Variants in MED13L observed in about 807,000 individuals in gnomAD.
MED13L encodes the protein mediator of RNA polymerase II transcription subunit 13-like.
MED13L carries 7 observed loss-of-function variants against 220.9 expected under a neutral mutation model. The ratio of observed to expected loss-of-function variants is 0.03; its 90% confidence interval spans 0.02 to 0.06. The LOEUF (loss-of-function observed/expected upper bound fraction) is 0.06. MED13L is among the 10% of genes least tolerant of loss of function. MED13L has a pLI of 1.00. For missense variants in MED13L, 1,965 were observed against 2,760.5 expected, an observed-to-expected ratio of 0.71 and a Z score of 6.46; for synonymous variants, 1,011 against 1,015.2, an observed-to-expected ratio of 1.00 and a Z score of 0.08.
At chr12:116,023,186 C>T (rs1201707634) in intron 4 of MED13L, among the ~76,000 whole-genome samples, 1 of 152,074 alleles carries the variant, frequency 6.6e-6, no homozygotes, top group African/African-American at 2.4e-5. Context: ...GTCCTAGCTC[C>T]TGAGGAGGCT....
At chr12:116,009,400 C>T (rs1021195449) in intron 9 of MED13L, among the ~76,000 whole-genome samples, 2 of 151,940 alleles carry the variant, frequency 1.3e-5, no homozygotes, top group Non-Finnish European at 2.9e-5. Context: ...TCAAAAAAAC[C>T]CAAATCTTTT....
intron 4 of MED13L, among the ~76,000 whole-genome samples, chr12:116,022,830 A>C (rs1375403968): frequency 3.9e-5 from 6 of 152,182 alleles, no homozygotes; most frequent in Non-Finnish European, 8.8e-5. Flanking sequence ...TACTGTACAA[A>C]ATGTTTCCAG....
At chr12:116,072,304 T>C (rs1012822460) in intron 4 of MED13L, among the ~76,000 whole-genome samples, 1 of 152,230 alleles carries the variant, frequency 6.6e-6, no homozygotes, top group Admixed American at 6.5e-5. Context: ...AAACCCCTGG[T>C]TTTCTTGATG....
intron 4 of MED13L, among the ~76,000 whole-genome samples, chr12:116,032,698 T>G (rs956849342): frequency 6.6e-6 from 1 of 152,190 alleles, no homozygotes; most frequent in African/African-American, 2.4e-5. Context: ...AAATTTAAAG[T>G]TACAACCGCC....
chr12:116,164,644 T>A, intron 2 of MED13L, among the ~76,000 whole-genome samples: 1 of 152,086 alleles, frequency 6.6e-6, no homozygotes, highest in East Asian at 1.9e-4. Context: ...TAAGTATAAT[T>A]TCACACAGCA....
In MED13L at chr12:115,983,126, C is replaced by A; in HGVS notation, c.4946G>T (p.Gly1649Val). Residue 1649 changes from glycine (G) to valine (V), a missense_variant, in exon 21 of 31, where the codon GGA becomes GTA. Coordinates refer to ENST00000281928, the MANE Select transcript of MED13L (RefSeq NM_015335.5). ...TTAGTGAATAACATACCTCTCTTGTCCATCCTGTGAGGGCTGAGAAGAGCT... is the reference window on the plus strand; with the variant it reads ...TTAGTGAATAACATACCTCTCTTGTACATCCTGTGAGGGCTGAGAAGAGCT... The part of the protein sequence containing the change: ...GQSSSQPSQD[G>V]QESVTERERI... 6.2e-7 allele frequency: 1 copy of A among 1,614,074 alleles called. No homozygotes were observed. Among genetic ancestry groups the A allele is most frequent in the South Asian group, 1.1e-5 (1 of 91,074 alleles).
At chr12:116,018,491 C>T (rs1879863599) in intron 7 of MED13L, among the ~76,000 whole-genome samples, 1 of 152,152 alleles carries the variant, frequency 6.6e-6, no homozygotes, top group Non-Finnish European at 1.5e-5. Context: ...ACATTCAATG[C>T]TTATAAATAA....
chr12:115,963,257 T>C, intron 30 of MED13L, 150 bp downstream of exon 30: 1 of 719,710 alleles, frequency 1.4e-6, no homozygotes, highest in South Asian at 1.5e-5. Context: ...TATGAGGGAC[T>C]GCAGCTCTCA....
Position 115,983,497 on chromosome 12 carries a change from T to A in MED13L, c.4575A>T (p.Ile1525=). ...ATLQLDSSLL[I]PPKYQTPPAA... Reference sequence around the variant, plus strand: ...CTGGTGGGGTCTGGTATTTAGGTGGTATCAATAGGCTGCTATCAAGCTGCA... The same window carrying A: ...CTGGTGGGGTCTGGTATTTAGGTGGAATCAATAGGCTGCTATCAAGCTGCA... The change falls in exon 21 of 31, where the codon ATA becomes ATT. Residue 1525 remains isoleucine, a synonymous_variant. Transcript: ENST00000281928. The A allele has an allele frequency of 6.2e-7, 1 of 1,614,166 alleles. No homozygotes were observed.
At chr12:116,262,977 T>G (rs1460523725) in intron 1 of MED13L, among the ~76,000 whole-genome samples, 1 of 152,190 alleles carries the variant, frequency 6.6e-6, no homozygotes, top group Non-Finnish European at 1.5e-5. Flanking sequence ...CTTTTCAAGT[T>G]AAAGCGACAT....
At chr12:116,252,004 A>G (rs1273794588) in intron 1 of MED13L, among the ~76,000 whole-genome samples, 1 of 152,062 alleles carries the variant, frequency 6.6e-6, no homozygotes, top group Non-Finnish European at 1.5e-5. Flanking sequence ...AAAAAATCTA[A>G]AATGTCTAGG....
chr12:116,117,336 C>G (rs1359874119), intron 2 of MED13L, among the ~76,000 whole-genome samples: 1 of 152,040 alleles, frequency 6.6e-6, no homozygotes, highest in Non-Finnish European at 1.5e-5. Flanking sequence ...GTGATGCCCC[C>G]CACTCTATAT....
chr12:116,214,635 G>A (rs1353022245), intron 2 of MED13L, among the ~76,000 whole-genome samples: 4 of 151,928 alleles, frequency 2.6e-5, no homozygotes, highest in Admixed American at 6.6e-5. Context: ...TTCAATAATA[G>A]CTTTTTTTCT....
At chr12:116,164,853 T>C (rs890946077) in intron 2 of MED13L, among the ~76,000 whole-genome samples, 26 of 152,248 alleles carry the variant, frequency 1.7e-4, no homozygotes, top group African/African-American at 6.0e-4. Flanking sequence ...AACCACTCTA[T>C]ACTAATAAAT....
rs577958611 is a variant in MED13L, at chr12:116,179,333, G to A, written c.310+58135C>T. The stretch of plus-strand genomic sequence containing the variant: ...ATGTTACAATATAAAATCTGGGCCA[G>A]GCACGGTGGCTCACGTCTATAACCC... On this transcript the variant is annotated intron_variant, in intron 2 of 30. Coordinates refer to ENST00000281928, the MANE Select transcript of MED13L (RefSeq NM_015335.5). 4.5e-4 allele frequency among the ~76,000 whole-genome samples: 69 copies of A among 152,120 alleles called. 1 individual carries two copies. Among genetic ancestry groups the A allele is most frequent in the Middle Eastern group, 3.4e-3 (1 of 294 alleles).
At chr12:116,276,914 G>A (rs1020203916) in intron 1 of MED13L, 146 bp downstream of exon 1, 2 of 1,005,520 alleles carry the variant, frequency 2.0e-6, no homozygotes, top group Non-Finnish European at 3.0e-6. Flanking sequence ...ATCCAAAAGG[G>A]GGAGAATCGG....
chr12:116,215,178 A>C (rs1882919663), intron 2 of MED13L, among the ~76,000 whole-genome samples: 1 of 152,254 alleles, frequency 6.6e-6, no homozygotes, highest in South Asian at 2.1e-4. Context: ...ATAACATAAT[A>C]TGATCTTTGT....
intron 2 of MED13L, among the ~76,000 whole-genome samples, chr12:116,164,181 C>A (rs1180910856): frequency 6.6e-6 from 1 of 152,166 alleles, no homozygotes; most frequent in Non-Finnish European, 1.5e-5. Context: ...CTTTTCCCAT[C>A]AGCACTATGC....
At chr12:116,105,427 T>C (rs1873478850) in intron 3 of MED13L, among the ~76,000 whole-genome samples, 1 of 152,168 alleles carries the variant, frequency 6.6e-6, no homozygotes. Context: ...CAAAAAAAGA[T>C]AACTGATCAT....
Sources: gnomAD v4.1 joint callset for allele counts (sites outside exome capture counted in the v4.1 genomes callset) on GRCh38, gnomAD v4.1.1 for gene constraint, MANE v1.5 for transcripts, NCBI Gene and HGNC (gene_info 2026-07-23, HGNC 2026-07-21) for gene names.